Variants in GNG7 observed in about 807,000 individuals in gnomAD.
GNG7 encodes G protein subunit gamma 7, also known as guanine nucleotide-binding protein G(I)/G(S)/G(O) subunit gamma-7.
Under a neutral mutation model 4.0 loss-of-function variants are expected in GNG7, and 1 was observed. The ratio of observed to expected loss-of-function variants is 0.25; its 90% CI spans 0.09 to 1.18. The LOEUF (loss-of-function observed/expected upper bound fraction) is 1.18. GNG7 is among the 50% of genes most tolerant of loss of function. The pLI is 0.50. For synonymous variants in GNG7, 34 were observed against 36.9 expected (o/e 0.92, Z 0.29); for missense variants, 86 against 91.9 (o/e 0.94, Z 0.26).
chr19:2,613,077 C>T lies in GNG7; in HGVS notation c.-78+33147G>A, dbSNP rs141871323. 6.3e-3 allele frequency among the ~76,000 whole-genome samples: 959 copies of T among 152,148 alleles called. 13 individuals carry two copies. The highest frequency in any genetic ancestry group is 0.022 in the African/African-American group (906 of 41,506). On this transcript the variant is annotated intron_variant, in intron 2 of 4. Coordinates refer to ENST00000382159, the MANE Select transcript of GNG7 (RefSeq NM_052847.3). ...TGAGTGTCCCAACATGGCCCTGCAG[C>T]CAGGTAGAACCAGCCAGGGAAAGGG...
intron 1 of GNG7, among the ~76,000 whole-genome samples, chr19:2,647,894 G>C (rs1982707453): frequency 3.3e-5 from 5 of 151,702 alleles, no homozygotes; most frequent in Admixed American, 3.3e-4. Flanking sequence ...CAGGTGTGGT[G>C]GTGGGCGCCC....
At chr19:2,567,331 T>TTGTGTGTGTGTGTGTGTGTG (rs3221748) in intron 2 of GNG7, among the ~76,000 whole-genome samples, 13,839 of 137,064 alleles carry the variant, frequency 0.1, 1,052 homozygotes, top group African/African-American at 0.19. Flanking sequence ...TGTCGTCGAT[T>TTGTGTGTGTGTGTGTGTGTG]TGTGTGTGTG....
At chr19:2,530,819 G>A (rs1286069621) in intron 3 of GNG7, among the ~76,000 whole-genome samples, 8 of 152,174 alleles carry the variant, frequency 5.3e-5, no homozygotes, top group Non-Finnish European at 5.9e-5. Flanking sequence ...TTTAGGGGAG[G>A]ATCGAAAGAG....
chr19:2,570,996 C>A (rs983738189), intron 2 of GNG7, among the ~76,000 whole-genome samples: 2 of 148,738 alleles, frequency 1.3e-5, no homozygotes, highest in Non-Finnish European at 3.0e-5. Flanking sequence ...GAGATGGGGT[C>A]TCACTATGTT....
At chr19:2,641,667 A>C (rs777974484) in intron 2 of GNG7, among the ~76,000 whole-genome samples, 7 of 148,922 alleles carry the variant, frequency 4.7e-5, no homozygotes, top group South Asian at 2.1e-4. Context: ...TTTTTTTTTT[A>C]TTTTTTCTTT....
chr19:2,515,632 T>G (rs1239416914), intron 4 of GNG7, among the ~76,000 whole-genome samples: 1 of 151,920 alleles, frequency 6.6e-6, no homozygotes, highest in Non-Finnish European at 1.5e-5. Context: ...TTCACCATGT[T>G]GATCAGGCTG....
intron 1 of GNG7, among the ~76,000 whole-genome samples, chr19:2,666,025 C>A (rs1318466155): frequency 6.6e-6 from 1 of 151,888 alleles, no homozygotes; most frequent in African/African-American, 2.4e-5. Flanking sequence ...GCCACCACGC[C>A]CAGCTAATTT....
At chr19:2,552,286 G>A (rs554901411) in intron 3 of GNG7, among the ~76,000 whole-genome samples, 1 of 152,236 alleles carries the variant, frequency 6.6e-6, no homozygotes, top group African/African-American at 2.4e-5. Context: ...CTGGGCAACA[G>A]AGAGAGACTC....
chr19:2,612,757 G>A (rs1030648090), intron 2 of GNG7, among the ~76,000 whole-genome samples: 18 of 142,214 alleles, frequency 1.3e-4, no homozygotes, highest in African/African-American at 3.6e-4. Flanking sequence ...GCAGCGGTGC[G>A]ATCTCGGCTC....
chr19:2,637,318 A>G (rs1001838433), intron 2 of GNG7, among the ~76,000 whole-genome samples: 5 of 151,820 alleles, frequency 3.3e-5, no homozygotes, highest in African/African-American at 1.2e-4. Flanking sequence ...TTTTGTCATC[A>G]GGACAGGCAG....
chr19:2,573,736 G>A (rs944593560), intron 2 of GNG7, among the ~76,000 whole-genome samples: 4 of 152,088 alleles, frequency 2.6e-5, no homozygotes, highest in African/African-American at 7.2e-5. Flanking sequence ...CCAGCTACTC[G>A]GGAGGCTGAG....
chr19:2,688,661 C>A (rs188891710), intron 1 of GNG7, among the ~76,000 whole-genome samples: 4 of 152,092 alleles, frequency 2.6e-5, no homozygotes, highest in Non-Finnish European at 5.9e-5. Context: ...GAAGAACCCC[C>A]GGAGACGAGC....
chr19:2,524,965 GAC>G (rs945315573), intron 3 of GNG7, among the ~76,000 whole-genome samples: 1 of 151,972 alleles, frequency 6.6e-6, no homozygotes, highest in African/African-American at 2.4e-5. Flanking sequence ...CCGAGACTCA[GAC>G]ACAGATTGCA....
At chr19:2,569,284 T>C (rs538256495) in intron 2 of GNG7, among the ~76,000 whole-genome samples, 4 of 151,930 alleles carry the variant, frequency 2.6e-5, no homozygotes, top group African/African-American at 7.2e-5. Flanking sequence ...TCTCTCTTTC[T>C]TTTTTTTGTG....
At chr19:2,589,124 C>A (rs2144799223) in intron 2 of GNG7, among the ~76,000 whole-genome samples, 1 of 152,016 alleles carries the variant, frequency 6.6e-6, no homozygotes, top group East Asian at 1.9e-4. Context: ...GATGGGGTTT[C>A]TCCACCTTGG....
intron 3 of GNG7, among the ~76,000 whole-genome samples, chr19:2,542,176 G>A (rs1017005249): frequency 2.8e-5 from 4 of 142,880 alleles, no homozygotes; most frequent in Admixed American, 1.5e-4. Flanking sequence ...GTGCAATGGC[G>A]TGATCTCGGC....
At position 2,590,603 on chromosome 19, in the gene GNG7, A is replaced by T. The variant is rs377403538; in HGVS notation, c.-77-35415T>A. Among the ~76,000 whole-genome samples the T allele has an allele frequency of 2.1e-4, 18 of 86,262 alleles. No individual in the cohort carries two copies. In the East Asian group the frequency reaches 6.3e-3, roughly 30 times the overall value. 56.6% of individuals were successfully genotyped at this position (86,262 alleles called of 152,430 possible). ...CATCCATCCATCCACCCACCCACCC[A>T]CCCATCCATCCATCTATCCATTCAT... On this transcript the variant is annotated intron_variant, in intron 2 of 4. Coordinates refer to ENST00000382159, the MANE Select transcript of GNG7 (RefSeq NM_052847.3).
chr19:2,551,627 A>G (rs1026893552), intron 3 of GNG7, among the ~76,000 whole-genome samples: 8 of 147,080 alleles, frequency 5.4e-5, no homozygotes, highest in Non-Finnish European at 1.0e-4. Flanking sequence ...ATTTATAAAT[A>G]TATAAAAACA....
intron 2 of GNG7, among the ~76,000 whole-genome samples, chr19:2,571,329 T>A (rs1980139610): frequency 6.6e-6 from 1 of 152,222 alleles, no homozygotes; most frequent in African/African-American, 2.4e-5. Flanking sequence ...ATGCGACAAT[T>A]CCATACCTAC....
Sources: gnomAD v4.1 joint callset for allele counts (sites outside exome capture counted in the v4.1 genomes callset) on GRCh38, gnomAD v4.1.1 for gene constraint, MANE v1.5 for transcripts, NCBI Gene and HGNC (gene_info 2026-07-23, HGNC 2026-07-21) for gene names.